Variants in MPDZ observed in about 807,000 individuals in gnomAD.
MPDZ encodes the protein multiple PDZ domain protein.
Under a neutral mutation model 239.1 loss-of-function variants are expected in MPDZ, and 234 were observed. The observed-to-expected ratio is 0.98, with a 90% CI of 0.88 to 1.09. MPDZ has a LOEUF of 1.09. Ranked by LOEUF, MPDZ falls within the 50% of genes least tolerant of loss-of-function variation. The pLI is 0.00. For missense variants in MPDZ, 3,175 were observed against 2,510.0 expected (o/e 1.26, Z -5.66); for synonymous variants, 1,048 against 881.3 (o/e 1.19, Z -3.35).
At chr9:13,197,936 T>C (rs1277562558) in intron 12 of MPDZ, among the ~76,000 whole-genome samples, 1 of 152,126 alleles carries the variant, frequency 6.6e-6, no homozygotes, top group East Asian at 1.9e-4. Context: ...TTCATTCTTT[T>C]TGTGGCTGAA....
At chr9:13,276,561 C>A (rs1402387827) in intron 1 of MPDZ, 1 of 152,166 alleles carries the variant, frequency 6.6e-6, no homozygotes, top group African/African-American at 2.4e-5. Context: ...CATATATCAT[C>A]ACTCATACGC....
At position 13,162,777 on chromosome 9, in the gene MPDZ, T is replaced by A; in HGVS notation, c.3273A>T (p.Ala1091=). ...TTATTTTGAACTCTTCCAAATGTTC[T>A]GCAGGCACATAAGTAATTCTGGAAC... ...GPDIKITYVP[A]EHLEEFKISL... Residue 1091 remains alanine (A), a synonymous_variant, in exon 23 of 47, where the codon GCA becomes GCT. Transcript: ENST00000319217. 1 of 1,610,240 alleles carries A rather than the reference T, an allele frequency of 6.2e-7. No homozygotes were observed. Among genetic ancestry groups the A allele is most frequent in the Non-Finnish European group, 8.5e-7 (1 of 1,177,622 alleles).
intron 3 of MPDZ, among the ~76,000 whole-genome samples, chr9:13,246,614 CT>C (rs1334243112): frequency 6.6e-6 from 1 of 152,074 alleles, no homozygotes; most frequent in Non-Finnish European, 1.5e-5. Context: ...ACTTTTTTTG[CT>C]ACAAAATATT....
chr9:13,255,608 G>C (rs769286190), intron 1 of MPDZ, among the ~76,000 whole-genome samples: 3 of 152,206 alleles, frequency 2.0e-5, no homozygotes, highest in African/African-American at 4.8e-5. Context: ...CATCTCTCTT[G>C]ATGAAACTCT....
At position 13,136,751 on chromosome 9, in the gene MPDZ, A is replaced by G; in HGVS notation, c.4253T>C (p.Ile1418Thr). The G allele has an allele frequency of 3.1e-6, 5 of 1,603,374 alleles. No homozygotes were observed. The highest frequency in any genetic ancestry group is 3.4e-6 in the Non-Finnish European group (4 of 1,173,888). Residue 1418 changes from isoleucine to threonine, a missense_variant, in exon 30 of 47, where the codon ATT (isoleucine) becomes ACT (threonine). Physicochemically the swap from Ile to Thr is moderately conservative, Grantham distance 89. Coordinates refer to ENST00000319217, the MANE Select transcript of MPDZ (RefSeq NM_001378778.1). ...GRSHQNASSI[I>T]KCAPSKVKII... is the part of the protein sequence containing the mutation. ...TTTCACTTTAGAAGGGGCACATTTA[A>G]TGATTGATGAGGCATTCTGATGACT...
intron 3 of MPDZ, among the ~76,000 whole-genome samples, chr9:13,236,321 A>T (rs1265319674): frequency 7.9e-6 from 1 of 126,910 alleles, no homozygotes; most frequent in African/African-American, 3.1e-5. Context: ...CTTGTTGCCC[A>T]GGCTGGAGTG....
intron 28 of MPDZ, among the ~76,000 whole-genome samples, chr9:13,139,601 C>G (rs1295587266): frequency 6.6e-6 from 1 of 152,086 alleles, no homozygotes; most frequent in Non-Finnish European, 1.5e-5. Flanking sequence ...AGAAAATACA[C>G]CAGAAGTTCA....
chr9:13,128,452 C>A (rs1945435437), intron 32 of MPDZ, among the ~76,000 whole-genome samples: 1 of 152,194 alleles, frequency 6.6e-6, no homozygotes, highest in Admixed American at 6.5e-5. Context: ...CCAGTCAAAT[C>A]TTGAGATGAC....
intron 7 of MPDZ, among the ~76,000 whole-genome samples, chr9:13,220,626 C>T (rs1232121109): frequency 4.0e-5 from 6 of 151,838 alleles, no homozygotes; most frequent in Non-Finnish European, 8.8e-5. Context: ...TATTATATTA[C>T]CGTTAACACC....
rs775403322 is a variant in MPDZ at position 13,222,442 on chromosome 9, C to T, written c.538G>A (p.Gly180Arg). 3 of 1,610,752 alleles carry T rather than the reference C, an allele frequency of 1.9e-6. No individual in the cohort carries two copies. Among genetic ancestry groups the T allele is most frequent in the African/African-American group, 2.7e-5 (2 of 74,736 alleles). The change falls in exon 6 of 47, where the codon GGA becomes AGA. Residue 180 changes from glycine to arginine, a missense_variant. By Grantham distance (125) the Gly-to-Arg change is moderately radical. Transcript: ENST00000319217. ...IQEGSVAHRDGRLKETDQILA... is the reference protein window; with the variant it reads ...IQEGSVAHRDRRLKETDQILA... ...ATTTGATCAGTTTCTTTCAATCTTCCATCTCTATCAAGGATGCAAAAGGGG... is the reference window on the plus strand; with the variant it reads ...ATTTGATCAGTTTCTTTCAATCTTCTATCTCTATCAAGGATGCAAAAGGGG...
At chr9:13,257,179 G>A (rs192044574) in intron 1 of MPDZ, among the ~76,000 whole-genome samples, 2 of 152,262 alleles carry the variant, frequency 1.3e-5, no homozygotes, top group Non-Finnish European at 2.9e-5. Flanking sequence ...AGAACCATAA[G>A]ACATACCAAT....
chr9:13,106,344 CATTT>C lies in MPDZ; in HGVS notation c.*617_*620del, dbSNP rs1287720381. 1 of 151,738 alleles carries C rather than the reference CATTT, an allele frequency of 6.6e-6. No individual in the cohort carries two copies. The highest frequency in any genetic ancestry group is 1.5e-5 in the Non-Finnish European group (1 of 67,902). 9.4% of individuals were successfully genotyped at this position (151,738 alleles called of 1,614,324 possible). On this transcript the variant is annotated 3_prime_UTR_variant, in exon 47 of 47. Coordinates refer to ENST00000319217, the MANE Select transcript of MPDZ (RefSeq NM_001378778.1). ...TAGGGACATTGCTTCATGTATTTGC[CATTT>C]ACTCAATTGTAGAAACCAATTTTAG...
intron 1 of MPDZ, among the ~76,000 whole-genome samples, chr9:13,253,066 C>T (rs2138193411): frequency 6.6e-6 from 1 of 151,886 alleles, no homozygotes; most frequent in South Asian, 2.1e-4. Context: ...GGAGGTAGAC[C>T]TCGGATTTAG....
At chr9:13,199,764 A>G (rs897909215) in intron 12 of MPDZ, among the ~76,000 whole-genome samples, 2 of 151,992 alleles carry the variant, frequency 1.3e-5, no homozygotes, top group African/African-American at 4.8e-5. Context: ...TATCCCATTT[A>G]CTGATTGGCA....
intron 23 of MPDZ, among the ~76,000 whole-genome samples, 189 bp downstream of exon 23, chr9:13,162,502 T>C (rs980349768): frequency 1.3e-5 from 2 of 151,874 alleles, no homozygotes; most frequent in African/African-American, 4.8e-5. Flanking sequence ...ATTTATATAT[T>C]TCTCAAATTT....
chr9:13,219,851 A>C (rs1031731897), intron 7 of MPDZ, 83 bp from the exon 8 acceptor site: 2 of 1,345,620 alleles, frequency 1.5e-6, no homozygotes, highest in African/African-American at 2.9e-5. Context: ...GATTAATTTT[A>C]GAAAAGCAAT....
intron 2 of MPDZ, among the ~76,000 whole-genome samples, chr9:13,248,950 G>A (rs969547144): frequency 9.2e-6 from 1 of 109,174 alleles, no homozygotes; most frequent in Admixed American, 1.4e-4. Flanking sequence ...TCCAGCCTGG[G>A]CGACAGAGTG....
rs1437451252 is a variant in MPDZ at position 13,174,015 on chromosome 9, A to G, written c.3055+1737T>C. Among the ~76,000 whole-genome samples the G allele has an allele frequency of 3.3e-5, 5 of 152,174 alleles. No individual in the cohort carries two copies. In the South Asian group the frequency reaches 6.2e-4, roughly 19 times the overall value. ...CCAGTCATCATACCACACTTCATCC[A>G]TAACAAACCAGTTTCAGTAATATTT... On this transcript the variant is annotated intron_variant, in intron 21 of 46. Transcript: ENST00000319217.
chr9:13,237,022 G>A (rs745316509), intron 3 of MPDZ, among the ~76,000 whole-genome samples: 1 of 151,958 alleles, frequency 6.6e-6, no homozygotes, highest in Non-Finnish European at 1.5e-5. Context: ...TGCTTTCAGC[G>A]CCTATCATAA....
Sources: gnomAD v4.1 joint callset for allele counts (sites outside exome capture counted in the v4.1 genomes callset) on GRCh38, gnomAD v4.1.1 for gene constraint, MANE v1.5 for transcripts, NCBI Gene and HGNC (gene_info 2026-07-23, HGNC 2026-07-21) for gene names.